RP1: variants seen among roughly 807,000 people sequenced by gnomAD.
RP1 encodes RP1 axonemal microtubule associated.
In RP1, 16 loss-of-function variants were observed where a neutral mutation model predicts 14.8. The ratio of observed to expected loss-of-function variants is 1.08; its 90% CI spans 0.73 to 1.65. RP1 has a LOEUF of 1.65. Ranked by LOEUF, RP1 falls within the 40% of genes most tolerant of loss-of-function variation. RP1 has a pLI of 0.00. For synonymous variants in RP1, 876 were observed against 883.6 expected (o/e 0.99, Z 0.15); for missense variants, 2,631 against 2,535.0 (o/e 1.04, Z -0.81).
In RP1 at chr8:54,629,540, T is replaced by C; in HGVS notation, c.5658T>C (p.Ile1886=). ...NKVYPVSDDA[I]KNQPLPGSNM... Reference sequence around the variant, plus strand: ...TCTACCCTGTCTCTGATGATGCTATTAAAAACCAACCATTGCCTGGCAGTA... The same window carrying C: ...TCTACCCTGTCTCTGATGATGCTATCAAAAACCAACCATTGCCTGGCAGTA... The change falls in exon 4 of 4, where the codon ATT becomes ATC. Residue 1886 remains isoleucine, a synonymous_variant. Coordinates refer to ENST00000220676, the MANE Select transcript of RP1 (RefSeq NM_006269.2). The C allele has an allele frequency of 1.8e-5, 29 of 1,614,074 alleles. No individual in the cohort carries two copies. Among genetic ancestry groups the C allele is most frequent in the Non-Finnish European group, 2.5e-5 (29 of 1,179,990 alleles).
chr8:54,681,784 A>C (rs1048833911), intron 12 of RP1, among the ~76,000 whole-genome samples: 5 of 152,126 alleles, frequency 3.3e-5, no homozygotes, highest in Non-Finnish European at 7.3e-5. Flanking sequence ...ATAAGTGAGA[A>C]CATGCAGTGT....
At chr8:54,807,316 T>G (rs1029577939) in intron 24 of RP1, among the ~76,000 whole-genome samples, 1 of 152,306 alleles carries the variant, frequency 6.6e-6, no homozygotes, top group East Asian at 1.9e-4. Flanking sequence ...AACAAATTCT[T>G]TTGAACTGGA....
chr8:54,668,886 G>A (rs540824742), intron 7 of RP1, among the ~76,000 whole-genome samples: 134 of 152,014 alleles, frequency 8.8e-4, no homozygotes, highest in African/African-American at 2.8e-3. Flanking sequence ...TTCAAGATGG[G>A]TTAAAGACTT....
chr8:54,616,642 G>T (rs900332699), intron 1 of RP1, among the ~76,000 whole-genome samples: 5 of 152,178 alleles, frequency 3.3e-5, no homozygotes, highest in African/African-American at 4.8e-5. Flanking sequence ...GAAATGAACT[G>T]ATTTTTCTTG....
At chr8:54,820,150 T>C (rs1461547431) in intron 24 of RP1, among the ~76,000 whole-genome samples, 3 of 152,058 alleles carry the variant, frequency 2.0e-5, no homozygotes, top group Non-Finnish European at 4.4e-5. Flanking sequence ...TTATTGTGGC[T>C]GAGCTGGTAC....
intron 7 of RP1, among the ~76,000 whole-genome samples, chr8:54,672,648 T>A (rs1807203327): frequency 6.6e-6 from 1 of 152,226 alleles, no homozygotes; most frequent in African/African-American, 2.4e-5. Context: ...TTGTTAAATG[T>A]GGATAATTAT....
chr8:54,812,798 T>TATCTATC (rs1811039678), intron 24 of RP1, among the ~76,000 whole-genome samples: 1 of 149,850 alleles, frequency 6.7e-6, no homozygotes, highest in Non-Finnish European at 1.5e-5. Context: ...TCTATCTATC[T>TATCTATC]ATCTATCTAT....
chr8:54,860,577 A>T (rs540645401), intron 27 of RP1, among the ~76,000 whole-genome samples: 1 of 152,254 alleles, frequency 6.6e-6, no homozygotes, highest in South Asian at 2.1e-4. Flanking sequence ...AAGTAATCAG[A>T]GGTATATGTG....
chr8:54,843,794 C>T (rs967733765), intron 25 of RP1, among the ~76,000 whole-genome samples: 1 of 152,130 alleles, frequency 6.6e-6, no homozygotes, highest in Non-Finnish European at 1.5e-5. Flanking sequence ...CACAGCATCG[C>T]AGGGCTCAGG....
intron 27 of RP1, among the ~76,000 whole-genome samples, chr8:54,859,512 A>T (rs1812291120): frequency 6.9e-6 from 1 of 144,262 alleles, no homozygotes; most frequent in Non-Finnish European, 1.5e-5. Context: ...TCAGTATAGG[A>T]GGAATCACTG....
At chr8:54,773,125 T>G (rs1033211599), downstream of RP1, among the ~76,000 whole-genome samples, 1 of 152,134 alleles carries the variant, frequency 6.6e-6, no homozygotes, top group Non-Finnish European at 1.5e-5. Flanking sequence ...TTCATTCTCC[T>G]GGCTTGGAGT....
At chr8:54,704,207 A>G (rs145742348) in intron 14 of RP1, among the ~76,000 whole-genome samples, 1 of 152,156 alleles carries the variant, frequency 6.6e-6, no homozygotes, top group African/African-American at 2.4e-5. Context: ...AAGCTCAGTC[A>G]TTTCTAGCTT....
rs560804657 is a variant in RP1 at position 54,808,082 on chromosome 8, G to A, written c.3615+24372G>A. 3.3e-5 allele frequency among the ~76,000 whole-genome samples: 5 copies of A among 152,204 alleles called. No individual in the cohort carries two copies. The East Asian group carries it at 7.7e-4, about 23-fold the overall frequency. ...AACCACATGCAATAACCATCATAGC[G>A]TGTAACCATCATATCATGAAACTTC... On this transcript the variant is annotated intron_variant, in intron 24 of 28. Transcript: ENST00000637698.
intron 1 of RP1, among the ~76,000 whole-genome samples, chr8:54,565,415 A>G (rs960027900): frequency 7.9e-5 from 12 of 152,136 alleles, no homozygotes; most frequent in Middle Eastern, 3.2e-3. Context: ...AAATACAAAA[A>G]TTAGCCTGGT....
chr8:54,782,700 G>T (rs754345775), intron 23 of RP1, among the ~76,000 whole-genome samples: 3 of 151,966 alleles, frequency 2.0e-5, no homozygotes, highest in Non-Finnish European at 2.9e-5. Flanking sequence ...TCATTGCTGT[G>T]GGTTGATGAT....
intron 12 of RP1, among the ~76,000 whole-genome samples, chr8:54,681,128 C>G (rs1312431374): frequency 6.6e-6 from 1 of 152,156 alleles, no homozygotes. Context: ...TCATCCTATT[C>G]CCTGGGTTCT....
intron 12 of RP1, chr8:54,696,415 A>C (rs1807863406): frequency 1.4e-6 from 1 of 709,470 alleles, no homozygotes; most frequent in Admixed American, 2.3e-5. Flanking sequence ...AGCAAGAGCA[A>C]AGAAAAAATC....
intron 1 of RP1, among the ~76,000 whole-genome samples, chr8:54,617,481 C>T (rs1360098670): frequency 6.6e-6 from 1 of 152,244 alleles, no homozygotes; most frequent in African/African-American, 2.4e-5. Flanking sequence ...GGGCTGGTAG[C>T]TCTGTTTCAC....
At chr8:54,586,464 A>C (rs1027440170) in intron 1 of RP1, among the ~76,000 whole-genome samples, 1 of 152,226 alleles carries the variant, frequency 6.6e-6, no homozygotes, top group African/African-American at 2.4e-5. Flanking sequence ...TTGAGGAGGC[A>C]GTCTGTCCAT....
Sources: allele counts gnomAD v4.1 joint callset (sites outside exome capture counted in the v4.1 genomes callset), GRCh38; gene constraint gnomAD v4.1.1; transcripts MANE v1.5; gene names NCBI Gene and HGNC (gene_info 2026-07-23, HGNC 2026-07-21).